FAM111B: variants seen among roughly 807,000 people sequenced by gnomAD.
The protein encoded by FAM111B is serine protease FAM111B.
In FAM111B, 1 loss-of-function variant was observed where a neutral mutation model predicts 2.8. That is an observed-to-expected ratio of 0.36 (90% CI 0.13 to 1.70). The LOEUF (loss-of-function observed/expected upper bound fraction) is 1.70. FAM111B is among the 40% of genes most tolerant of loss of function. The pLI is 0.35. For missense variants in FAM111B, 882 were observed against 878.9 expected (o/e 1.00, Z -0.04); for synonymous variants, 297 against 295.6 (o/e 1.00, Z -0.05).
intron 3 of FAM111B, among the ~76,000 whole-genome samples, chr11:59,117,506 T>A (rs1439792241): frequency 6.6e-6 from 1 of 152,180 alleles, no homozygotes; most frequent in Non-Finnish European, 1.5e-5. Context: ...AGGGTCCCCA[T>A]AAGAGCCTGG....
intron 3 of FAM111B, among the ~76,000 whole-genome samples, chr11:59,111,965 T>G (rs1859765134): frequency 6.6e-6 from 1 of 152,216 alleles, no homozygotes; most frequent in African/African-American, 2.4e-5. Flanking sequence ...TTGAAAGGCT[T>G]TAACTTTTAT....
In FAM111B at chr11:59,125,230, T is replaced by C. The variant is rs769431764; in HGVS notation, c.1133T>C (p.Leu378Pro). ...CTGGGTAGGCGGTATGCTATTAATC[T>C]GGATGTCCAAAAGGAGGCAATTAAT... ...PHLGRRYAIN[L>P]DVQKEAINLL... Residue 378 changes from leucine to proline, a missense_variant, in exon 4 of 4, where the codon CTG (leucine) becomes CCG (proline). By Grantham distance (98) the Leu-to-Pro change is moderately conservative. Transcript: ENST00000343597. 5 of 1,613,940 alleles carry C rather than the reference T, an allele frequency of 3.1e-6. No homozygotes were observed. Among genetic ancestry groups the C allele is most frequent in the Non-Finnish European group, 8.5e-7 (1 of 1,179,862 alleles).
chr11:59,125,103 G>C lies in FAM111B; in HGVS notation c.1006G>C (p.Asp336His), dbSNP rs780150388. Residue 336 changes from aspartate to histidine, a missense_variant, in exon 4 of 4, where the codon GAT becomes CAT. Asp to His is a moderately conservative substitution (Grantham distance 81). Coordinates refer to ENST00000343597, the MANE Select transcript of FAM111B (RefSeq NM_198947.4). ...TCAGGATCTAAGCCATTATATTAAAGATAAAACTCGCCAGACAATTCCCAG... is the reference window on the plus strand; with the variant it reads ...TCAGGATCTAAGCCATTATATTAAACATAAAACTCGCCAGACAATTCCCAG... ...PPQDLSHYIK[D>H]KTRQTIPRIR... is the part of the protein sequence containing the mutation. The C allele has an allele frequency of 1.2e-6, 2 of 1,613,784 alleles. No homozygotes were observed. Among genetic ancestry groups the C allele is most frequent in the Admixed American group, 3.3e-5 (2 of 59,992 alleles).
Position 59,127,278 on chromosome 11 carries a change from G to A in FAM111B, c.*976G>A, listed in dbSNP as rs1860054458. The A allele has an allele frequency of 6.6e-6, 1 of 152,038 alleles. No homozygotes were observed. Among genetic ancestry groups the A allele is most frequent in the South Asian group, 2.1e-4 (1 of 4,822 alleles). The allele number at this position is 152,038 out of a possible 1,614,324, so 9.4% of individuals were successfully genotyped here. A position where few individuals can be genotyped will look rare whatever the true frequency, so the allele number is the denominator to read the frequency against. On this transcript the variant is annotated 3_prime_UTR_variant, in exon 4 of 4. Coordinates refer to ENST00000343597, the MANE Select transcript of FAM111B (RefSeq NM_198947.4). Reference sequence around the variant, plus strand: ...GGGTGAAGACTGAAAAACTGCCTATGGGGTACTATGCTTATTACCTGGGTG... The same window carrying A: ...GGGTGAAGACTGAAAAACTGCCTATAGGGTACTATGCTTATTACCTGGGTG...
chr11:59,116,453 A>G (rs1373147911), intron 3 of FAM111B, among the ~76,000 whole-genome samples: 1 of 152,198 alleles, frequency 6.6e-6, no homozygotes, highest in East Asian at 1.9e-4. Context: ...CTGTGTCCCA[A>G]AGGCCCTTTC....
Position 59,124,293 on chromosome 11 carries a change from G to T in FAM111B, c.196G>T (p.Ala66Ser), listed in dbSNP as rs377492266. 3.2e-5 allele frequency: 51 copies of T among 1,613,804 alleles called. No homozygotes were observed. Among genetic ancestry groups the T allele is most frequent in the Non-Finnish European group, 4.2e-5 (50 of 1,179,828 alleles). The change falls in exon 4 of 4, where the codon GCC becomes TCC. Residue 66 changes from alanine to serine, a missense_variant. Ala to Ser is a moderately conservative substitution (Grantham distance 99, BLOSUM62 1). Transcript: ENST00000343597. ...AAGTGAAGTCAACAAGCATGAAACA[G>T]CCCTTGAAATGCAGAATCCAAATTT... ...LKSEVNKHET[A>S]LEMQNPNLNN...
rs1211626157 is a variant in FAM111B, at chr11:59,125,122, T to C, written c.1025T>C (p.Ile342Thr). ...ATTAAAGATAAAACTCGCCAGACAATTCCCAGGATTAGAAATTATTACTTT... is the reference window on the plus strand; with the variant it reads ...ATTAAAGATAAAACTCGCCAGACAACTCCCAGGATTAGAAATTATTACTTT... ...HYIKDKTRQTIPRIRNYYFCS... is the reference protein window; with the variant it reads ...HYIKDKTRQTTPRIRNYYFCS... Residue 342 changes from isoleucine (I) to threonine (T), a missense_variant, in exon 4 of 4, where the codon ATT becomes ACT. Ile to Thr is a moderately conservative substitution (Grantham distance 89). Coordinates refer to ENST00000343597, the MANE Select transcript of FAM111B (RefSeq NM_198947.4). 5.0e-6 allele frequency: 8 copies of C among 1,613,706 alleles called. No homozygotes were observed. The African/African-American group carries it at 8.0e-5, about 16-fold the overall frequency.
intron 3 of FAM111B, among the ~76,000 whole-genome samples, chr11:59,122,888 G>A (rs1859945826): frequency 6.6e-6 from 1 of 152,140 alleles, no homozygotes; most frequent in Non-Finnish European, 1.5e-5. Context: ...AAGCCGAGCT[G>A]TACCTCCTGA....
Position 59,109,688 on chromosome 11 carries a change from T to C in FAM111B, c.63T>C (p.Thr21=). ...GCGCTATGGAAGATGACCAGAGGAC[T>C]AGACCTGAAGTTTCAAAGGTATATC... ...SFSAMEDDQR[T]RPEVSKDTVM... The change falls in exon 3 of 4, where the codon ACT becomes ACC. Residue 21 remains threonine, a synonymous_variant. Coordinates refer to ENST00000343597, the MANE Select transcript of FAM111B (RefSeq NM_198947.4). The C allele has an allele frequency of 6.2e-7, 1 of 1,611,812 alleles. No homozygotes were observed. Among genetic ancestry groups the C allele is most frequent in the South Asian group, 1.1e-5 (1 of 90,814 alleles).
intron 3 of FAM111B, among the ~76,000 whole-genome samples, chr11:59,112,078 C>T (rs1859766570): frequency 6.6e-6 from 1 of 152,134 alleles, no homozygotes; most frequent in Non-Finnish European, 1.5e-5. Context: ...TAACCATGAC[C>T]AAAATCCAGA....
Position 59,125,374 on chromosome 11 carries a change from C to A in FAM111B, c.1277C>A (p.Ser426Ter), listed in dbSNP as rs754880919. ...GAAGAACAAAAGAGAATGAATCTTT[C>A]ACCAGCTAAGCAATTCAACATATAT... ...FREEQKRMNL[S>*]PAKQFNIYKK... is the part of the protein sequence containing the mutation. The change falls in exon 4 of 4, where the codon TCA (serine) becomes TAA (stop). Residue 426 changes from serine (S) to a stop codon, truncating the protein, a stop_gained. Transcript: ENST00000343597. LOFTEE classifies it low-confidence loss of function (END_TRUNC). 9.9e-6 allele frequency: 16 copies of A among 1,613,774 alleles called. No individual in the cohort carries two copies. The East Asian group carries it at 2.5e-4, about 25-fold the overall frequency.
At chr11:59,122,390 C>T (rs936283606) in intron 3 of FAM111B, among the ~76,000 whole-genome samples, 3 of 152,118 alleles carry the variant, frequency 2.0e-5, no homozygotes, top group Non-Finnish European at 4.4e-5. Context: ...CACTGTATGC[C>T]TCTAATGATT....
chr11:59,122,508 T>A (rs1308815219), intron 3 of FAM111B, among the ~76,000 whole-genome samples: 4 of 152,204 alleles, frequency 2.6e-5, no homozygotes, highest in African/African-American at 9.6e-5. Flanking sequence ...TACAGTTTTT[T>A]AAAAACACAG....
Position 59,124,667 on chromosome 11 carries a change from T to C in FAM111B, c.570T>C (p.Ala190=), listed in dbSNP as rs189767751. 4 of 1,613,848 alleles carry C rather than the reference T, an allele frequency of 2.5e-6. No individual in the cohort carries two copies. The highest frequency in any genetic ancestry group is 2.7e-5 in the African/African-American group (2 of 75,020). ...AATGCATTCTTTTTCATGTTGTTGC[T>C]ATAGGAAGGACAAGAAAGAAGATTG... The part of the protein sequence containing the change: ...NMECILFHVV[A]IGRTRKKIVK... The change falls in exon 4 of 4, where the codon GCT becomes GCC. Residue 190 remains alanine (A), a synonymous_variant. Coordinates refer to ENST00000343597, the MANE Select transcript of FAM111B (RefSeq NM_198947.4).
intron 3 of FAM111B, among the ~76,000 whole-genome samples, chr11:59,113,539 G>C (rs1298318387): frequency 6.6e-6 from 1 of 152,212 alleles, no homozygotes; most frequent in African/African-American, 2.4e-5. Flanking sequence ...GTGAGTGGCT[G>C]CTATTACCTC....
chr11:59,110,305 C>T lies in FAM111B; in HGVS notation c.81+599C>T, dbSNP rs374304192. Reference sequence around the variant, plus strand: ...TGCTTAATTCAGACTTAGGAAACTACAGCAGCGTCATATGAGAAATGATTT... The same window carrying T: ...TGCTTAATTCAGACTTAGGAAACTATAGCAGCGTCATATGAGAAATGATTT... On this transcript the variant is annotated intron_variant, in intron 3 of 3. Transcript: ENST00000343597. 1.1e-4 allele frequency among the ~76,000 whole-genome samples: 17 copies of T among 152,292 alleles called. 1 individual carries two copies. The East Asian group carries it at 2.1e-3, about 19-fold the overall frequency.
chr11:59,125,858 A>G lies in FAM111B; in HGVS notation c.1761A>G (p.Ile587Met), dbSNP rs373740832. 1.9e-6 allele frequency: 3 copies of G among 1,613,820 alleles called. No individual in the cohort carries two copies. The African/African-American group carries it at 4.0e-5, about 22-fold the overall frequency. ...IGHPEGQIKK[I>M]DGCTVIPLNE... is the part of the protein sequence containing the mutation. ...ATCCTGAAGGCCAGATCAAGAAAATAGATGGTTGTACTGTGATTCCTCTAA... is the reference window on the plus strand; with the variant it reads ...ATCCTGAAGGCCAGATCAAGAAAATGGATGGTTGTACTGTGATTCCTCTAA... The change falls in exon 4 of 4, where the codon ATA becomes ATG. Residue 587 changes from isoleucine to methionine, a missense_variant. Physicochemically the swap from Ile to Met is conservative, Grantham distance 10 (BLOSUM62 1). Transcript: ENST00000343597.
chr11:59,126,404 TG>T lies in FAM111B; in HGVS notation c.*103del. 2.2e-6 allele frequency: 2 copies of T among 909,560 alleles called. No homozygotes were observed. The highest frequency in any genetic ancestry group is 3.2e-6 in the Non-Finnish European group (2 of 621,338). The allele number at this position is 909,560 out of a possible 1,614,324, so 56.3% of individuals were successfully genotyped here. A position where few individuals can be genotyped will look rare whatever the true frequency, so the allele number is the denominator to read the frequency against. On this transcript the variant is annotated 3_prime_UTR_variant, in exon 4 of 4. Coordinates refer to ENST00000343597, the MANE Select transcript of FAM111B (RefSeq NM_198947.4). Reference sequence around the variant, plus strand: ...TGCAACAAAAGTGAAAATTGGCAAATGAGACCTAATTAAATCTTCTGCACAG... The same window carrying T: ...TGCAACAAAAGTGAAAATTGGCAAATAGACCTAATTAAATCTTCTGCACAG...
chr11:59,123,865 T>C (rs558041395), intron 3 of FAM111B, among the ~76,000 whole-genome samples: 1 of 152,332 alleles, frequency 6.6e-6, no homozygotes, highest in South Asian at 2.1e-4. Context: ...TATCCAGTTA[T>C]TCTAGCCACA....
Sources: allele counts gnomAD v4.1 joint callset (sites outside exome capture counted in the v4.1 genomes callset), GRCh38; gene constraint gnomAD v4.1.1; transcripts MANE v1.5; gene names NCBI Gene and HGNC (gene_info 2026-07-23, HGNC 2026-07-21).